The following RALYL variants were observed in gnomAD, a reference collection of about 807,000 sequenced individuals.
The protein encoded by RALYL is RNA-binding Raly-like protein.
Under a neutral mutation model 35.1 loss-of-function variants are expected in RALYL, and 29 were observed. The observed-to-expected ratio is 0.83, with a 90% confidence interval of 0.61 to 1.13. The LOEUF is 1.13. Among genes scored for constraint, RALYL ranks in the 50% most tolerant of loss-of-function variants. RALYL has a pLI of 0.00. For missense variants in RALYL, 359 were observed against 360.4 expected, an observed-to-expected ratio of 1.00 and a Z score of 0.03; for synonymous variants, 120 against 127.6, an observed-to-expected ratio of 0.94 and a Z score of 0.40.
chr8:84,324,604 T>G (rs1845464895), intron 1 of RALYL, among the ~76,000 whole-genome samples: 1 of 151,894 alleles, frequency 6.6e-6, no homozygotes, highest in African/African-American at 2.4e-5. Flanking sequence ...TTTTTTTTTG[T>G]AAACTTTTCC....
chr8:84,791,912 C>A (rs1266679550), intron 3 of RALYL, among the ~76,000 whole-genome samples: 3 of 152,210 alleles, frequency 2.0e-5, no homozygotes, highest in Non-Finnish European at 4.4e-5. Context: ...CTGTTTCCCC[C>A]CCGGCAGGAT....
chr8:84,387,472 A>G (rs555952709), intron 1 of RALYL, among the ~76,000 whole-genome samples: 2 of 152,048 alleles, frequency 1.3e-5, no homozygotes, highest in Middle Eastern at 3.4e-3. Flanking sequence ...TAATTCAGGT[A>G]AACTTCAAAA....
chr8:84,397,810 C>A (rs912120507), intron 1 of RALYL, among the ~76,000 whole-genome samples: 2 of 152,140 alleles, frequency 1.3e-5, no homozygotes, highest in East Asian at 3.9e-4. Context: ...CAGTACTGCA[C>A]CTCCTGTTTT....
At chr8:84,526,676 A>C (rs893562152) in intron 1 of RALYL, among the ~76,000 whole-genome samples, 2 of 152,206 alleles carry the variant, frequency 1.3e-5, no homozygotes, top group African/African-American at 4.8e-5. Context: ...AACCTGTCAC[A>C]CAAATTCCAA....
chr8:84,733,762 T>C lies in RALYL; in HGVS notation c.257-40817T>C, dbSNP rs77254162. On this transcript the variant is annotated intron_variant, in intron 2 of 8. Transcript: ENST00000521268. ...ATGGGAAAGTATCTGTCAAATCTTT[T>C]GCACTGTGACTGGGACACAGTGATC... Among the ~76,000 whole-genome samples, 101 of 152,272 alleles carry C rather than the reference T, an allele frequency of 6.6e-4. 1 individual carries two copies. In the East Asian group the frequency reaches 0.019, roughly 28 times the overall value.
intron 1 of RALYL, among the ~76,000 whole-genome samples, chr8:84,213,126 C>G (rs1563542204): frequency 1.3e-5 from 2 of 152,042 alleles, no homozygotes; most frequent in Admixed American, 6.5e-5. Flanking sequence ...CATGGTGGCT[C>G]ATGCCTGTAA....
At chr8:84,742,016 A>G (rs1052377293) in intron 2 of RALYL, among the ~76,000 whole-genome samples, 1 of 151,896 alleles carries the variant, frequency 6.6e-6, no homozygotes. Flanking sequence ...TGAGAGAAGA[A>G]AAAGAAGAGG....
At chr8:84,482,248 CAATATCCCAT>C (rs1223594668) in intron 1 of RALYL, among the ~76,000 whole-genome samples, 1 of 151,950 alleles carries the variant, frequency 6.6e-6, no homozygotes, top group Non-Finnish European at 1.5e-5. Context: ...AGGATAAAGA[CAATATCCCAT>C]AATAGATAGC....
chr8:84,621,341 T>G (rs1489766728), intron 2 of RALYL, among the ~76,000 whole-genome samples: 1 of 152,136 alleles, frequency 6.6e-6, no homozygotes, highest in Non-Finnish European at 1.5e-5. Flanking sequence ...AGTATTCGGG[T>G]GGGAGCCACC....
At chr8:84,638,871 A>ATATATATATAT (rs1825650615) in intron 2 of RALYL, among the ~76,000 whole-genome samples, 2 of 86,276 alleles carry the variant, frequency 2.3e-5, no homozygotes, top group African/African-American at 1.5e-4. Flanking sequence ...TGCACGCATA[A>ATATATATATAT]ATATATATAT....
chr8:84,198,134 C>G (rs1341828193), intron 1 of RALYL, among the ~76,000 whole-genome samples: 2 of 152,076 alleles, frequency 1.3e-5, no homozygotes, highest in Non-Finnish European at 2.9e-5. Flanking sequence ...GGAACTTTCA[C>G]TACAATTCAT....
At chr8:84,836,249 T>C (rs1831997709) in intron 4 of RALYL, among the ~76,000 whole-genome samples, 1 of 152,204 alleles carries the variant, frequency 6.6e-6, no homozygotes, top group South Asian at 2.1e-4. Flanking sequence ...TCAATTAAAG[T>C]AATCATCCTT....
At chr8:84,459,333 G>T (rs1366947972) in intron 1 of RALYL, among the ~76,000 whole-genome samples, 3 of 151,664 alleles carry the variant, frequency 2.0e-5, no homozygotes, top group African/African-American at 7.3e-5. Flanking sequence ...ATAACAAGGC[G>T]AATAGGAAAT....
intron 1 of RALYL, among the ~76,000 whole-genome samples, chr8:84,314,333 A>G (rs4366083): frequency 0.65 from 98,195 of 151,786 alleles, 32,396 homozygotes; most frequent in African/African-American, 0.76. Context: ...AATAAATTTT[A>G]CATTATATAT....
At chr8:84,718,490 G>A (rs370364084) in intron 2 of RALYL, among the ~76,000 whole-genome samples, 1 of 152,042 alleles carries the variant, frequency 6.6e-6, no homozygotes, top group Non-Finnish European at 1.5e-5. Flanking sequence ...CTGGCCGGGC[G>A]CGGTGGCTCA....
At chr8:84,209,949 A>G (rs1819057495) in intron 1 of RALYL, among the ~76,000 whole-genome samples, 1 of 152,120 alleles carries the variant, frequency 6.6e-6, no homozygotes, top group African/African-American at 2.4e-5. Flanking sequence ...TCTTTGGCTG[A>G]CAACCTATGT....
At chr8:84,464,554 G>A (rs2051282773) in intron 1 of RALYL, among the ~76,000 whole-genome samples, 1 of 149,294 alleles carries the variant, frequency 6.7e-6, no homozygotes, top group Non-Finnish European at 1.5e-5. Flanking sequence ...TGGACATTTG[G>A]GTTGGTTCCA....
At chr8:84,208,528 G>A (rs1818638782) in intron 1 of RALYL, among the ~76,000 whole-genome samples, 1 of 152,100 alleles carries the variant, frequency 6.6e-6, no homozygotes, top group African/African-American at 2.4e-5. Context: ...TAAGCTTTCT[G>A]GGAGGGTTTT....
intron 3 of RALYL, among the ~76,000 whole-genome samples, chr8:84,791,259 G>A (rs920844619): frequency 4.6e-5 from 7 of 152,110 alleles, no homozygotes; most frequent in Non-Finnish European, 8.8e-5. Context: ...GATGCCTGGG[G>A]AAAAGCATTC....
Sources: gnomAD v4.1 joint callset for allele counts (sites outside exome capture counted in the v4.1 genomes callset) on GRCh38, gnomAD v4.1.1 for gene constraint, MANE v1.5 for transcripts, NCBI Gene and HGNC (gene_info 2026-07-23, HGNC 2026-07-21) for gene names.